Variants in GREM2 observed in about 807,000 individuals in gnomAD.
The protein encoded by GREM2 is gremlin-2.
A neutral mutation model predicts 14.2 loss-of-function variants in GREM2; 11 were observed. That is an observed-to-expected ratio of 0.78 (90% CI 0.49 to 1.28). The LOEUF (loss-of-function observed/expected upper bound fraction) is 1.28, where lower values mean the gene tolerates loss of function less well. Ranked by LOEUF, GREM2 falls within the 50% of genes most tolerant of loss-of-function variation. GREM2 has a pLI of 0.00. For synonymous variants in GREM2, 98 were observed against 97.6 expected (o/e 1.00, Z -0.02); for missense variants, 210 against 218.5 (o/e 0.96, Z 0.24).
intron 1 of GREM2, among the ~76,000 whole-genome samples, chr1:240,529,025 T>C (rs1678292034): frequency 6.6e-6 from 1 of 152,130 alleles, no homozygotes; most frequent in Non-Finnish European, 1.5e-5. Context: ...TTGGATTGTA[T>C]TTGCTTTATT....
In GREM2 at chr1:240,507,955, G is replaced by A. The variant is rs761970257; in HGVS notation, c.-1-14479C>T. The stretch of plus-strand genomic sequence containing the variant: ...TGAAGTAAATGAAATAACTAGAGAG[G>A]ATGGAAAGTGTTTTCTGACCCACAG... On this transcript the variant is annotated intron_variant, in intron 1 of 1. Transcript: ENST00000318160. Among the ~76,000 whole-genome samples, 166 of 152,212 alleles carry A rather than the reference G, an allele frequency of 1.1e-3. 1 individual carries two copies. The highest frequency in any genetic ancestry group is 2.0e-3 in the Non-Finnish European group (133 of 68,038).
chr1:240,555,962 T>C (rs908936193), intron 1 of GREM2, among the ~76,000 whole-genome samples: 42 of 152,310 alleles, frequency 2.8e-4, no homozygotes, highest in African/African-American at 9.1e-4. Flanking sequence ...TTTTCTAAGG[T>C]ATGACAAAAA....
intron 1 of GREM2, among the ~76,000 whole-genome samples, chr1:240,575,169 C>G (rs1442030554): frequency 6.6e-6 from 1 of 151,856 alleles, no homozygotes; most frequent in East Asian, 1.9e-4. Flanking sequence ...CGCTGCTACC[C>G]AGCTCCACAA....
intron 1 of GREM2, among the ~76,000 whole-genome samples, chr1:240,587,039 G>T (rs989802545): frequency 6.6e-6 from 1 of 152,020 alleles, no homozygotes; most frequent in Admixed American, 6.6e-5. Context: ...CCTCTCGAAG[G>T]CTTTATTTGA....
At chr1:240,588,206 T>C (rs1300040822) in intron 1 of GREM2, among the ~76,000 whole-genome samples, 1 of 152,230 alleles carries the variant, frequency 6.6e-6, no homozygotes, top group African/African-American at 2.4e-5. Context: ...TGTTTTCCCA[T>C]TGCACTAACA....
At chr1:240,563,060 AGTGT>A (rs201357793) in intron 1 of GREM2, among the ~76,000 whole-genome samples, 1 of 126,626 alleles carries the variant, frequency 7.9e-6, no homozygotes, top group Non-Finnish European at 1.7e-5. Flanking sequence ...GTGTATAGTG[AGTGT>A]GTATGTGTGT....
chr1:240,547,165 A>G (rs1019202309), intron 1 of GREM2, among the ~76,000 whole-genome samples: 2 of 152,118 alleles, frequency 1.3e-5, no homozygotes, highest in Non-Finnish European at 2.9e-5. Flanking sequence ...TAGCCCAGTT[A>G]CAAAAGAAGG....
At chr1:240,514,743 T>A (rs1677914431) in intron 1 of GREM2, among the ~76,000 whole-genome samples, 1 of 151,860 alleles carries the variant, frequency 6.6e-6, no homozygotes, top group African/African-American at 2.4e-5. Flanking sequence ...TACAAAAAAA[T>A]TTAAAAATTA....
At chr1:240,524,418 G>C (rs1471848976) in intron 1 of GREM2, among the ~76,000 whole-genome samples, 3 of 152,150 alleles carry the variant, frequency 2.0e-5, no homozygotes, top group Non-Finnish European at 4.4e-5. Context: ...CTATGAGATA[G>C]AATAGGGAGT....
At chr1:240,494,560 G>T (rs763563315) in intron 1 of GREM2, among the ~76,000 whole-genome samples, 3 of 152,128 alleles carry the variant, frequency 2.0e-5, no homozygotes, top group Non-Finnish European at 4.4e-5. Flanking sequence ...TTTAACATCT[G>T]CACACAGATG....
intron 1 of GREM2, among the ~76,000 whole-genome samples, chr1:240,539,633 G>A (rs1225797848): frequency 6.6e-6 from 1 of 152,140 alleles, no homozygotes; most frequent in East Asian, 1.9e-4. Flanking sequence ...CAGGCTCTCT[G>A]GAACTCATAA....
chr1:240,532,436 C>G (rs972963724), intron 1 of GREM2, among the ~76,000 whole-genome samples: 1 of 152,124 alleles, frequency 6.6e-6, no homozygotes, highest in East Asian at 1.9e-4. Flanking sequence ...CTATGAGTCT[C>G]TAACTTGATG....
chr1:240,498,869 T>G (rs1677497165), intron 1 of GREM2, among the ~76,000 whole-genome samples: 1 of 152,262 alleles, frequency 6.6e-6, no homozygotes, highest in Non-Finnish European at 1.5e-5. Flanking sequence ...CTTTCTGGCC[T>G]GACCATGTTC....
intron 1 of GREM2, among the ~76,000 whole-genome samples, chr1:240,610,858 C>T (rs143468269): frequency 0.013 from 2,008 of 152,292 alleles, 28 homozygotes; most frequent in Middle Eastern, 0.037. Context: ...TGAATACCAG[C>T]CAGCCCTTGA....
At chr1:240,597,257 G>A (rs1313480385) in intron 1 of GREM2, among the ~76,000 whole-genome samples, 1 of 152,216 alleles carries the variant, frequency 6.6e-6, no homozygotes, top group Non-Finnish European at 1.5e-5. Flanking sequence ...TTGCCAAAGG[G>A]CACTCCTGAG....
In GREM2 at chr1:240,577,887, A is replaced by G. The variant is rs551173181; in HGVS notation, c.-2+33997T>C. Among the ~76,000 whole-genome samples, 7 of 152,320 alleles carry G rather than the reference A, an allele frequency of 4.6e-5. No homozygotes were observed. The East Asian group carries it at 1.2e-3, about 25-fold the overall frequency. On this transcript the variant is annotated intron_variant, in intron 1 of 1. Transcript: ENST00000318160. The stretch of plus-strand genomic sequence containing the variant: ...CAAATCTATATTTCTGGATAATTGA[A>G]CTACATAAATCACTCATTAAAGACA...
intron 1 of GREM2, among the ~76,000 whole-genome samples, chr1:240,519,311 C>G (rs1434702098): frequency 1.3e-5 from 2 of 151,710 alleles, no homozygotes; most frequent in African/African-American, 4.8e-5. Context: ...TGAATTGATT[C>G]TACTATCACA....
At chr1:240,510,143 G>A (rs1367621598) in intron 1 of GREM2, among the ~76,000 whole-genome samples, 1 of 152,100 alleles carries the variant, frequency 6.6e-6, no homozygotes, top group Non-Finnish European at 1.5e-5. Flanking sequence ...GCCGAGGCGG[G>A]CGGATCACGA....
At chr1:240,554,941 C>T (rs554454518) in intron 1 of GREM2, among the ~76,000 whole-genome samples, 2 of 151,996 alleles carry the variant, frequency 1.3e-5, no homozygotes, top group African/African-American at 2.4e-5. Context: ...CTTAGGAGTT[C>T]GAGACCAGCC....
Sources: gnomAD v4.1 joint callset for allele counts (sites outside exome capture counted in the v4.1 genomes callset) on GRCh38, gnomAD v4.1.1 for gene constraint, MANE v1.5 for transcripts, NCBI Gene and HGNC (gene_info 2026-07-23, HGNC 2026-07-21) for gene names.